TENM3: variants seen among roughly 807,000 people sequenced by gnomAD.
The protein encoded by TENM3 is teneurin-3.
A neutral mutation model predicts 255.1 loss-of-function variants in TENM3; 63 were observed. That is an observed-to-expected ratio of 0.25 (90% CI 0.20 to 0.30). TENM3 has a LOEUF of 0.30. TENM3 is among the 10% of genes least tolerant of loss of function. The pLI is 1.00. For synonymous variants in TENM3, 1,306 were observed against 1,322.3 expected, an observed-to-expected ratio of 0.99 and a Z score of 0.27; for missense variants, 2,929 against 3,461.1, an observed-to-expected ratio of 0.85 and a Z score of 3.86.
chr4:182,442,972 T>C (rs1209552542), intron 3 of TENM3, among the ~76,000 whole-genome samples: 1 of 151,908 alleles, frequency 6.6e-6, no homozygotes, highest in Non-Finnish European at 1.5e-5. Flanking sequence ...TGATCCATCA[T>C]CTCAGCCTTC....
chr4:182,143,475 G>A (rs1487576530), upstream of TENM3: 1 of 166,916 alleles, frequency 6.0e-6, no homozygotes, highest in Non-Finnish European at 1.5e-5. This position sits in a 1 kb window ranked among gnomAD's most constrained non-coding sequence, Gnocchi z 4.3. Context: ...TTCTGCCTCG[G>A]AATCCGTCTT....
At chr4:182,565,972 T>C (rs1348778529) in intron 3 of TENM3, among the ~76,000 whole-genome samples, 1 of 152,216 alleles carries the variant, frequency 6.6e-6, no homozygotes, top group African/African-American at 2.4e-5. Context: ...CAAAGGGGAC[T>C]GATTTACTTT....
At chr4:181,600,737 G>A in the TENM3 span, among the ~76,000 whole-genome samples, 2 of 151,366 alleles carry the variant, frequency 1.3e-5, no homozygotes, top group South Asian at 4.2e-4. Context: ...CTCACATTCA[G>A]ACAGGCATCC....
intron 1 of TENM3, among the ~76,000 whole-genome samples, chr4:182,295,239 G>C (rs1330779516): frequency 6.7e-6 from 1 of 148,150 alleles, no homozygotes; most frequent in African/African-American, 2.5e-5. Flanking sequence ...ATGGAAACAA[G>C]TGGTATATGT....
intron 4 of TENM3, among the ~76,000 whole-genome samples, chr4:182,616,313 G>A (rs970963327): frequency 1.4e-5 from 2 of 146,500 alleles, no homozygotes; most frequent in East Asian, 2.1e-4. Flanking sequence ...TTGTTCTTGC[G>A]ATAGTTTACT....
chr4:182,741,875 C>T (rs555593457), intron 18 of TENM3, among the ~76,000 whole-genome samples: 29 of 152,314 alleles, frequency 1.9e-4, no homozygotes, highest in Middle Eastern at 3.4e-3. Flanking sequence ...ATAAGGAGAA[C>T]ATAATTATTC....
rs1248627840 is a variant in TENM3, at chr4:182,357,632, A to G, written c.511+10703A>G. ...CTGGATATTAGCCCTTTGTCAGATG[A>G]GTAGGTTGCGAAACTTTTCTCCCAT... On this transcript the variant is annotated intron_variant, in intron 3 of 27. Coordinates refer to ENST00000511685, the MANE Select transcript of TENM3 (RefSeq NM_001080477.4). Among the ~76,000 whole-genome samples the G allele has an allele frequency of 6.7e-5, 10 of 149,424 alleles. No individual in the cohort carries two copies. In the South Asian group the frequency reaches 1.9e-3, roughly 29 times the overall value.
At chr4:182,278,316 G>A (rs77831933) in intron 1 of TENM3, among the ~76,000 whole-genome samples, 3,920 of 152,054 alleles carry the variant, frequency 0.026, 117 homozygotes, top group African/African-American at 0.059. Context: ...GCGGTGAGCC[G>A]AGGTCTAGTC....
chr4:181,601,136 T>A, the TENM3 span, among the ~76,000 whole-genome samples: 1 of 152,306 alleles, frequency 6.6e-6, no homozygotes, highest in African/African-American at 2.4e-5. Flanking sequence ...TAGTTTTCTA[T>A]GGCTGCTGTA....
At chr4:182,149,741 G>C (rs1458622609) in intron 1 of TENM3, among the ~76,000 whole-genome samples, 1 of 151,994 alleles carries the variant, frequency 6.6e-6, no homozygotes, top group Admixed American at 6.6e-5. Flanking sequence ...AGCATGTGTG[G>C]AGTGAAATGT....
At chr4:182,126,721 C>A in the TENM3 span, among the ~76,000 whole-genome samples, 1 of 152,144 alleles carries the variant, frequency 6.6e-6, no homozygotes. Flanking sequence ...TGCATTGATT[C>A]ACCCTACCCA....
At chr4:182,721,275 C>T (rs1759709669) in intron 13 of TENM3, among the ~76,000 whole-genome samples, 1 of 152,228 alleles carries the variant, frequency 6.6e-6, no homozygotes, top group Non-Finnish European at 1.5e-5. Flanking sequence ...GAAGAGTTAG[C>T]CACCATCAGT....
the TENM3 span, among the ~76,000 whole-genome samples, chr4:181,570,737 A>AT: frequency 6.6e-6 from 1 of 152,128 alleles, no homozygotes; most frequent in Admixed American, 6.6e-5. Flanking sequence ...CCTAAGGGGA[A>AT]TGCCAACAGG....
chr4:182,737,034 A>C lies in TENM3; in HGVS notation c.3194A>C (p.Asp1065Ala). ...TATACTTTCATATGGGATAAAACAG[A>C]TGCATATAATCAGAAAGTCTATGGT... ...LAYTFIWDKT[D>A]AYNQKVYGLS... The change falls in exon 17 of 28, where the codon GAT (aspartate) becomes GCT (alanine). Residue 1065 changes from aspartate (D) to alanine (A), a missense_variant. Asp to Ala is a moderately radical substitution (Grantham distance 126, BLOSUM62 -2). This residue lies in a region of TENM3 where 1,608 missense variants were observed against 1,884.4 expected (regional missense o/e 0.85). Coordinates refer to ENST00000511685, the MANE Select transcript of TENM3 (RefSeq NM_001080477.4). 6.2e-7 allele frequency: 1 copy of C among 1,613,820 alleles called. No homozygotes were observed. Among genetic ancestry groups the C allele is most frequent in the East Asian group, 2.2e-5 (1 of 44,856 alleles).
chr4:182,313,705 A>G (rs1248001356), intron 1 of TENM3, among the ~76,000 whole-genome samples: 2 of 152,194 alleles, frequency 1.3e-5, no homozygotes, highest in African/African-American at 4.8e-5. Flanking sequence ...TGTATTAAAC[A>G]GTGCTTAGGG....
At chr4:181,738,471 A>G in the TENM3 span, among the ~76,000 whole-genome samples, 33 of 152,034 alleles carry the variant, frequency 2.2e-4, no homozygotes, top group Admixed American at 8.5e-4. Flanking sequence ...TTGGGTTTAT[A>G]TGTCCCCATC....
At chr4:182,284,929 A>G (rs1381124751) in intron 1 of TENM3, among the ~76,000 whole-genome samples, 1 of 152,180 alleles carries the variant, frequency 6.6e-6, no homozygotes, top group Non-Finnish European at 1.5e-5. Flanking sequence ...GACCCCATGA[A>G]GAATCCTTCC....
At chr4:182,036,436 C>A in the TENM3 span, among the ~76,000 whole-genome samples, 7 of 152,062 alleles carry the variant, frequency 4.6e-5, no homozygotes, top group Admixed American at 4.6e-4. Flanking sequence ...GGTGATCCGC[C>A]CACCTTGGCA....
intron 2 of TENM3, among the ~76,000 whole-genome samples, chr4:182,328,140 A>G (rs909454648): frequency 2.0e-5 from 3 of 152,236 alleles, no homozygotes; most frequent in Non-Finnish European, 4.4e-5. Flanking sequence ...TGTGAATTTC[A>G]GAATTTTAAC....
Sources: gnomAD v4.1 joint callset for allele counts (sites outside exome capture counted in the v4.1 genomes callset) on GRCh38, gnomAD v4.1.1 for gene constraint, gnomAD v4.1.1 regional missense constraint, Gnocchi (gnomAD v3.1) non-coding constraint, MANE v1.5 for transcripts, NCBI Gene and HGNC (gene_info 2026-07-23, HGNC 2026-07-21) for gene names.